The following MRPS5 variants were observed in gnomAD, a reference collection of about 807,000 sequenced individuals.
MRPS5 encodes the protein small ribosomal subunit protein uS5m.
A neutral mutation model predicts 51.9 loss-of-function variants in MRPS5; 27 were observed. That is an observed-to-expected ratio of 0.52 (90% confidence interval 0.38 to 0.72). MRPS5 has a LOEUF of 0.72. Ranked by LOEUF, MRPS5 falls within the 30% of genes least tolerant of loss-of-function variation. The pLI is 0.00. For synonymous variants in MRPS5, 196 were observed against 193.2 expected, an observed-to-expected ratio of 1.01 and a Z score of -0.12; for missense variants, 570 against 545.7, an observed-to-expected ratio of 1.04 and a Z score of -0.44.
Position 95,086,873 on chromosome 2 carries a change from T to C in MRPS5, c.*484A>G, listed in dbSNP as rs1382443380. ...AAGTCAAAATTGCAATGGTATACAA[T>C]TAATATACCATTTAACATTCCCAAT... On this transcript the variant is annotated 3_prime_UTR_variant, in exon 12 of 12. Transcript: ENST00000272418. Among the ~76,000 whole-genome samples, 1 of 152,186 alleles carries C rather than the reference T, an allele frequency of 6.6e-6. No individual in the cohort carries two copies. Among genetic ancestry groups the C allele is most frequent in the Non-Finnish European group, 1.5e-5 (1 of 68,040 alleles).
At chr2:95,088,047 G>A (rs1675348799) in intron 11 of MRPS5, among the ~76,000 whole-genome samples, 1 of 147,954 alleles carries the variant, frequency 6.8e-6, no homozygotes, top group Non-Finnish European at 1.5e-5. Flanking sequence ...GGTGGGGGAA[G>A]AGGAGGGGAA....
intron 7 of MRPS5, among the ~76,000 whole-genome samples, chr2:95,103,416 A>G (rs1161920124): frequency 6.6e-6 from 1 of 152,256 alleles, no homozygotes; most frequent in African/African-American, 2.4e-5. Context: ...TTCACAGATC[A>G]TACTGACAAT....
At chr2:95,092,415 C>T (rs945627381) in intron 10 of MRPS5, 3 of 152,202 alleles carry the variant, frequency 2.0e-5, no homozygotes, top group African/African-American at 7.2e-5. Flanking sequence ...GGTGCCTTTC[C>T]TTAATCCAGT....
At chr2:95,114,180 G>A (rs535500695) in intron 3 of MRPS5, among the ~76,000 whole-genome samples, 2 of 149,896 alleles carry the variant, frequency 1.3e-5, no homozygotes, top group South Asian at 2.1e-4. Flanking sequence ...AGGAATACAG[G>A]TGATTATCTC....
Position 95,108,242 on chromosome 2 carries a change from C to A in MRPS5, c.570G>T (p.Glu190Asp), listed in dbSNP as rs202186869. The A allele has an allele frequency of 2.2e-4, 362 of 1,614,164 alleles. No individual in the cohort carries two copies. The highest frequency in any genetic ancestry group is 8.8e-4 in the Admixed American group (53 of 60,028). The change falls in exon 5 of 12, where the codon GAG (glutamate) becomes GAT (aspartate). Residue 190 changes from glutamate (E) to aspartate (D), a missense_variant. By Grantham distance (45) the Glu-to-Asp change is conservative. Coordinates refer to ENST00000272418, the MANE Select transcript of MRPS5 (RefSeq NM_031902.5). ...CCCATGAGTTTCCACTCCATCCTCG[C>A]TCCCGTTTAACCTTCATCTTCTTCT... Reference protein sequence around the residue: ...DRKKKMKVKRERGWSGNSWGG... With the variant: ...DRKKKMKVKRDRGWSGNSWGG...
chr2:95,121,225 G>A (rs1019574031), intron 1 of MRPS5, among the ~76,000 whole-genome samples: 9 of 152,258 alleles, frequency 5.9e-5, no homozygotes, highest in Admixed American at 5.2e-4. Flanking sequence ...AAAGATTGCA[G>A]CTAAATGAGT....
At chr2:95,114,105 C>T (rs1211780893) in intron 3 of MRPS5, among the ~76,000 whole-genome samples, 3 of 110,880 alleles carry the variant, frequency 2.7e-5, no homozygotes, top group South Asian at 3.0e-4. Context: ...GGTGACAAAG[C>T]GAGACTCCAT....
chr2:95,087,563 C>T lies in MRPS5; in HGVS notation c.1087G>A (p.Ala363Thr), dbSNP rs143922359. ...ACAACATGGAGGCCCTTCTTATCAGCCAGCTGTTGATGGGTTTCCTAAGCA... is the reference window on the plus strand; with the variant it reads ...ACAACATGGAGGCCCTTCTTATCAGTCAGCTGTTGATGGGTTTCCTAAGCA... ...LSRQETHQQL[A>T]DKKGLHVVEI... The change falls in exon 12 of 12, where the codon GCT (alanine) becomes ACT (threonine). Residue 363 changes from alanine to threonine, a missense_variant. Physicochemically the swap from Ala to Thr is moderately conservative, Grantham distance 58. Coordinates refer to ENST00000272418, the MANE Select transcript of MRPS5 (RefSeq NM_031902.5). 8.9e-4 allele frequency: 1,444 copies of T among 1,613,580 alleles called. 8 individuals are homozygous for T. The highest frequency in any genetic ancestry group is 7.1e-3 in the South Asian group (647 of 91,024).
chr2:95,106,214 C>G (rs1675943273), intron 6 of MRPS5, among the ~76,000 whole-genome samples: 1 of 152,186 alleles, frequency 6.6e-6, no homozygotes, highest in South Asian at 2.1e-4. Flanking sequence ...AGTGGTAGCT[C>G]CCCGCCCCAC....
chr2:95,109,539 T>C (rs956000007), intron 4 of MRPS5, among the ~76,000 whole-genome samples: 3 of 152,238 alleles, frequency 2.0e-5, no homozygotes, highest in South Asian at 2.1e-4. Context: ...AACAGTAGAG[T>C]TGAGCAGTTG....
At chr2:95,102,902 T>C (rs896140453) in intron 7 of MRPS5, among the ~76,000 whole-genome samples, 2 of 152,192 alleles carry the variant, frequency 1.3e-5, no homozygotes, top group Admixed American at 1.3e-4. Context: ...TTTTAAATTA[T>C]ACATGGGAAA....
chr2:95,087,176 T>C lies in MRPS5; in HGVS notation c.*181A>G. 1.8e-6 allele frequency: 1 copy of C among 560,846 alleles called. No homozygotes were observed. The highest frequency in any genetic ancestry group is 3.1e-6 in the Non-Finnish European group (1 of 318,952). 34.7% of individuals were successfully genotyped at this position (560,846 alleles called of 1,614,324 possible). ...CTGAGATATGTATGTAAAGGTTCTA[T>C]CACATTGGCATATAACATGTGCTCA... On this transcript the variant is annotated 3_prime_UTR_variant, in exon 12 of 12. Coordinates refer to ENST00000272418, the MANE Select transcript of MRPS5 (RefSeq NM_031902.5).
intron 5 of MRPS5, chr2:95,106,664 C>T: frequency 1.7e-6 from 1 of 588,424 alleles, no homozygotes; most frequent in Non-Finnish European, 3.1e-6. Context: ...CACTGATCTC[C>T]CCACCTGCAC....
intron 10 of MRPS5, among the ~76,000 whole-genome samples, chr2:95,096,105 G>A (rs1049069186): frequency 3.3e-5 from 5 of 152,006 alleles, no homozygotes; most frequent in East Asian, 3.9e-4. Flanking sequence ...TAAATTCCTC[G>A]ACACATACAC....
intron 9 of MRPS5, 24 bp from the exon 10 acceptor site, chr2:95,100,560 A>G (rs1675765260): frequency 1.9e-6 from 3 of 1,552,522 alleles, no homozygotes; most frequent in Non-Finnish European, 2.7e-6. Flanking sequence ...ACATAAACAC[A>G]AGAGGATTAG....
intron 6 of MRPS5, 43 bp downstream of exon 6, chr2:95,106,380 C>CCCAAA: frequency 1.6e-6 from 1 of 620,272 alleles, no homozygotes; most frequent in Non-Finnish European, 3.0e-6. Context: ...CCCACCCCAA[C>CCCAAA]CTCTCCAAAG....
chr2:95,118,143 C>A (rs1030493829), intron 1 of MRPS5, among the ~76,000 whole-genome samples, 198 bp from the exon 2 acceptor site: 4 of 152,122 alleles, frequency 2.6e-5, no homozygotes, highest in Non-Finnish European at 4.4e-5. Context: ...CAACCAGTTA[C>A]CAAGCCCTTC....
intron 10 of MRPS5, among the ~76,000 whole-genome samples, chr2:95,097,810 AC>A (rs1202732931): frequency 3.9e-5 from 6 of 152,236 alleles, no homozygotes; most frequent in Non-Finnish European, 8.8e-5. Flanking sequence ...TGACTAAAAC[AC>A]CAAAAGCAAT....
At chr2:95,116,469 T>A (rs1676287719) in intron 2 of MRPS5, among the ~76,000 whole-genome samples, 1 of 152,186 alleles carries the variant, frequency 6.6e-6, no homozygotes, top group Admixed American at 6.5e-5. Flanking sequence ...AGAAATTGAC[T>A]TTAGATTTGA....
Sources: gnomAD v4.1 joint callset for allele counts (sites outside exome capture counted in the v4.1 genomes callset) on GRCh38, gnomAD v4.1.1 for gene constraint, MANE v1.5 for transcripts, NCBI Gene and HGNC (gene_info 2026-07-23, HGNC 2026-07-21) for gene names.